Variants in WNT11 observed in about 807,000 individuals in gnomAD.
WNT11 encodes the protein Wnt family member 11.
In WNT11, 20 loss-of-function variants were observed where a neutral mutation model predicts 35.6. The observed-to-expected ratio is 0.56, with a 90% CI of 0.40 to 0.82. The LOEUF (loss-of-function observed/expected upper bound fraction) is 0.82. Ranked by LOEUF, WNT11 falls within the 40% of genes least tolerant of loss-of-function variation. The pLI, the probability that WNT11 is intolerant of heterozygous loss-of-function variation, is 0.00. For missense variants in WNT11, 459 were observed against 504.4 expected (o/e 0.91, Z 0.86); for synonymous variants, 200 against 211.9 (o/e 0.94, Z 0.49).
rs1285262434 is a variant in WNT11, at chr11:76,196,649, C to A, written c.153G>T (p.Leu51=). 6 of 1,613,568 alleles carry A rather than the reference C, an allele frequency of 3.7e-6. No individual in the cohort carries two copies. The highest frequency in any genetic ancestry group is 5.1e-6 in the Non-Finnish European group (6 of 1,180,032). ...QTQHCKQLEG[L]VSAQVQLCRS... is the part of the protein sequence containing the mutation. ...GGCACAGCTGCACCTGTGCAGACACCAGACCCTCCAGCTGCTTGCAGTGTT... is the reference window on the plus strand; with the variant it reads ...GGCACAGCTGCACCTGTGCAGACACAAGACCCTCCAGCTGCTTGCAGTGTT... The change falls in exon 2 of 5, where the codon CTG becomes CTT. Residue 51 remains leucine, a synonymous_variant. Coordinates refer to ENST00000322563, the MANE Select transcript of WNT11 (RefSeq NM_004626.3).
At chr11:76,188,731 G>A (rs948587735) in intron 4 of WNT11, among the ~76,000 whole-genome samples, 32 of 152,366 alleles carry the variant, frequency 2.1e-4, no homozygotes, top group African/African-American at 7.7e-4. Context: ...TACAAGGTCT[G>A]TGAGAGTTCA....
Position 76,191,559 on chromosome 11 carries a change from C to T in WNT11, c.890+5G>A. 6.2e-6 allele frequency: 10 copies of T among 1,606,210 alleles called. No individual in the cohort carries two copies. The highest frequency in any genetic ancestry group is 8.5e-6 in the Non-Finnish European group (10 of 1,173,966). On this transcript the variant is annotated splice_donor_5th_base_variant and intron_variant, in intron 4 of 4. Coordinates refer to ENST00000322563, the MANE Select transcript of WNT11 (RefSeq NM_004626.3). ...CTTTCCCACCAAGGTGGCAGCAGGCCTCACCTGTCTTGTGTCCCGTGGGAG... is the reference window on the plus strand; with the variant it reads ...CTTTCCCACCAAGGTGGCAGCAGGCTTCACCTGTCTTGTGTCCCGTGGGAG...
intron 1 of WNT11, among the ~76,000 whole-genome samples, chr11:76,204,305 G>T (rs987915161): frequency 6.6e-6 from 1 of 152,156 alleles, no homozygotes; most frequent in African/African-American, 2.4e-5. Context: ...TTTCTCATAG[G>T]AGTGCAGTAT....
intron 4 of WNT11, 62 bp from the exon 5 acceptor site, chr11:76,187,301 TG>T: frequency 2.0e-6 from 3 of 1,527,242 alleles, no homozygotes; most frequent in East Asian, 2.4e-5. Flanking sequence ...CAACACCCCA[TG>T]ACTCCCAGCC....
chr11:76,205,574 AGTTAT>A (rs559834917), intron 1 of WNT11, among the ~76,000 whole-genome samples: 40 of 152,110 alleles, frequency 2.6e-4, no homozygotes, highest in African/African-American at 9.6e-4. Flanking sequence ...ACACTTGTGG[AGTTAT>A]TTACAGCCTG....
chr11:76,193,720 G>A (rs573783407), intron 3 of WNT11, among the ~76,000 whole-genome samples: 2 of 152,232 alleles, frequency 1.3e-5, no homozygotes, highest in African/African-American at 4.8e-5. Context: ...GGGCTGAGCC[G>A]CTGAAGTGCT....
In WNT11 at chr11:76,194,864, G is replaced by T. The variant is rs1220489398; in HGVS notation, c.320-20C>A. On this transcript the variant is annotated intron_variant, in intron 2 of 4. Coordinates refer to ENST00000322563, the MANE Select transcript of WNT11 (RefSeq NM_004626.3). This position sits in a 1 kb window ranked among gnomAD's most constrained non-coding sequence, Gnocchi z 5.4. ...GGGTCCCTGAGGGTGGGAGGGGAAG[G>T]TCAGCCGACGCTGATCCAGGGCTAG... 1 of 1,479,906 alleles carries T rather than the reference G, an allele frequency of 6.8e-7. No individual in the cohort carries two copies. Among genetic ancestry groups the T allele is most frequent in the African/African-American group, 1.4e-5 (1 of 71,650 alleles). 91.7% of individuals were successfully genotyped at this position (1,479,906 alleles called of 1,614,324 possible). A position where few individuals can be genotyped will look rare whatever the true frequency, so the allele number is the denominator to read the frequency against.
At chr11:76,209,110 C>A (rs1457684666), upstream of WNT11, among the ~76,000 whole-genome samples, 2 of 152,144 alleles carry the variant, frequency 1.3e-5, no homozygotes, top group African/African-American at 4.8e-5. Flanking sequence ...CCTGGTCGTT[C>A]TATAGGACAC....
In WNT11 at chr11:76,191,850, G is replaced by T. The variant is rs779375396; in HGVS notation, c.604C>A (p.Arg202Ser). The T allele has an allele frequency of 6.3e-7, 1 of 1,597,912 alleles. No homozygotes were observed. Among genetic ancestry groups the T allele is most frequent in the Admixed American group, 1.7e-5 (1 of 59,976 alleles). The change falls in exon 4 of 5, where the codon CGC (arginine) becomes AGC (serine). Residue 202 changes from arginine to serine, a missense_variant. Physicochemically the swap from Arg to Ser is moderately radical, Grantham distance 110. Coordinates refer to ENST00000322563, the MANE Select transcript of WNT11 (RefSeq NM_004626.3). ...HNSEVGRQAL[R>S]ASLEMKCKCH... The stretch of plus-strand genomic sequence containing the variant: ...TTACACTTCATTTCCAGAGAGGCGC[G>T]CAGAGCCTGCGGACAGGGGAAGGCG...
chr11:76,190,514 T>C (rs1033438028), intron 4 of WNT11, among the ~76,000 whole-genome samples: 2 of 151,712 alleles, frequency 1.3e-5, no homozygotes, highest in African/African-American at 2.4e-5. Context: ...GCCCACCCCC[T>C]CCCTCTCCTG....
At chr11:76,199,920 G>A (rs916870500) in intron 1 of WNT11, among the ~76,000 whole-genome samples, 6 of 152,210 alleles carry the variant, frequency 3.9e-5, no homozygotes, top group African/African-American at 1.2e-4. Context: ...TATGTGCTGT[G>A]CAAACTTGGG....
chr11:76,201,288 C>T (rs779217703), intron 1 of WNT11, among the ~76,000 whole-genome samples: 11 of 152,344 alleles, frequency 7.2e-5, no homozygotes, highest in Admixed American at 3.9e-4. Flanking sequence ...GGCTGCCATG[C>T]GTACTAGGGA....
rs1201331633 is a variant in WNT11, at chr11:76,187,283, C to T, written c.891-44G>A. 2.5e-6 allele frequency: 4 copies of T among 1,569,542 alleles called. No homozygotes were observed. In the East Asian group the frequency reaches 9.1e-5, roughly 36 times the overall value. Reference sequence around the variant, plus strand: ...GGAGGTCAGTGCATGCCTTGGTCACCACCCCACCAACACCCCATGACTCCC... The same window carrying T: ...GGAGGTCAGTGCATGCCTTGGTCACTACCCCACCAACACCCCATGACTCCC... On this transcript the variant is annotated intron_variant, in intron 4 of 4. Coordinates refer to ENST00000322563, the MANE Select transcript of WNT11 (RefSeq NM_004626.3).
intron 2 of WNT11, among the ~76,000 whole-genome samples, chr11:76,196,274 G>A (rs1003848140): frequency 1.3e-5 from 2 of 152,140 alleles, no homozygotes; most frequent in Non-Finnish European, 1.5e-5. Flanking sequence ...GTGTTTACTC[G>A]TTTGTGAATT....
At chr11:76,209,731 T>C (rs1302836726), upstream of WNT11, among the ~76,000 whole-genome samples, 1 of 152,020 alleles carries the variant, frequency 6.6e-6, no homozygotes, top group East Asian at 1.9e-4. Flanking sequence ...TCGAGATCCC[T>C]CCTGCTAACC....
chr11:76,210,583 C>T (rs1402705), upstream of WNT11: 322,427 of 985,056 alleles, frequency 0.33, 53,738 homozygotes, highest in East Asian at 0.54. Flanking sequence ...GGGCGAGCGG[C>T]GAAGGCGCCC....
At chr11:76,190,293 C>T (rs75140673) in intron 4 of WNT11, among the ~76,000 whole-genome samples, 4,900 of 152,188 alleles carry the variant, frequency 0.032, 286 homozygotes, top group African/African-American at 0.11. Flanking sequence ...TCGGGTCCTC[C>T]GTGGGCCTCC....
chr11:76,206,611 C>A (rs1410176018), upstream of WNT11: 20 of 1,109,138 alleles, frequency 1.8e-5, no homozygotes, highest in East Asian at 5.6e-4. Context: ...GCGCGGCGGG[C>A]GTCCCCTCCC....
At position 76,186,865 on chromosome 11, in the gene WNT11, A is replaced by G; in HGVS notation, c.*200T>C. 1 of 779,732 alleles carries G rather than the reference A, an allele frequency of 1.3e-6. No individual in the cohort carries two copies. The highest frequency in any genetic ancestry group is 2.7e-5 in the East Asian group (1 of 36,874). 48.3% of individuals were successfully genotyped at this position (779,732 alleles called of 1,614,324 possible). A position where few individuals can be genotyped will look rare whatever the true frequency, so the allele number is the denominator to read the frequency against. On this transcript the variant is annotated 3_prime_UTR_variant, in exon 5 of 5. Coordinates refer to ENST00000322563, the MANE Select transcript of WNT11 (RefSeq NM_004626.3). ...TTTTTAATCTTGTCGGTTTCCTTTG[A>G]TGTCCTGCCCTCCTTCCAGGGTGGC...
Sources: allele counts gnomAD v4.1 joint callset (sites outside exome capture counted in the v4.1 genomes callset), GRCh38; gene constraint gnomAD v4.1.1; non-coding constraint Gnocchi (gnomAD v3.1); transcripts MANE v1.5; gene names NCBI Gene and HGNC (gene_info 2026-07-23, HGNC 2026-07-21).